Variants in SOD1 observed in about 807,000 individuals in gnomAD.
The protein encoded by SOD1 is superoxide dismutase [Cu-Zn].
In SOD1, 8 loss-of-function variants were observed where a neutral mutation model predicts 15.9. The ratio of observed to expected loss-of-function variants is 0.50; its 90% CI spans 0.30 to 0.91. SOD1 has a LOEUF of 0.91. SOD1 is among the 40% of genes least tolerant of loss of function. The pLI is 0.07. For missense variants in SOD1, 137 were observed against 194.5 expected (o/e 0.70, Z 1.76); for synonymous variants, 86 against 71.2 (o/e 1.21, Z -1.04).
Position 31,668,734 on chromosome 21 carries a change from T to C in SOD1, c.*156T>C. Reference sequence around the variant, plus strand: ...TAAAGTACCTGTAGTGAGAAACTGATTTATGATCACTTGGAAGATTTGTAT... The same window carrying C: ...TAAAGTACCTGTAGTGAGAAACTGACTTATGATCACTTGGAAGATTTGTAT... On this transcript the variant is annotated 3_prime_UTR_variant, in exon 5 of 5. Coordinates refer to ENST00000270142, the MANE Select transcript of SOD1 (RefSeq NM_000454.5). The C allele has an allele frequency of 1.5e-6, 1 of 654,192 alleles. No individual in the cohort carries two copies. The highest frequency in any genetic ancestry group is 2.8e-6 in the Non-Finnish European group (1 of 362,186). The allele number at this position is 654,192 out of a possible 1,614,324, so 40.5% of individuals were successfully genotyped here.
chr21:31,667,386 A>G lies in SOD1; in HGVS notation c.357+11A>G, dbSNP rs2049604627. 11 of 1,534,072 alleles carry G rather than the reference A, an allele frequency of 7.2e-6. No individual in the cohort carries two copies. Among genetic ancestry groups the G allele is most frequent in the Non-Finnish European group, 9.9e-6 (11 of 1,106,784 alleles). ...GGCCGCACACTGGTGGTAAGTTTTC[A>G]TAAAAGGATATGCATAAAACTTCTT... On this transcript the variant is annotated intron_variant, in intron 4 of 4. Coordinates refer to ENST00000270142, the MANE Select transcript of SOD1 (RefSeq NM_000454.5).
intron 1 of SOD1, 63 bp downstream of exon 1, chr21:31,659,904 CT>C: frequency 8.4e-6 from 13 of 1,548,314 alleles, no homozygotes; most frequent in Non-Finnish European, 1.2e-5. Flanking sequence ...CCCCGCGCAC[CT>C]TTGCTAGGAG....
intron 4 of SOD1, among the ~76,000 whole-genome samples, chr21:31,667,632 A>T (rs1780352520): frequency 6.6e-6 from 1 of 152,206 alleles, no homozygotes; most frequent in South Asian, 2.1e-4. Context: ...TGGAAAACAG[A>T]AGTAGTCTTT....
chr21:31,662,476 G>A (rs921250009), intron 1 of SOD1, among the ~76,000 whole-genome samples: 16 of 152,304 alleles, frequency 1.1e-4, no homozygotes, highest in African/African-American at 3.6e-4. Flanking sequence ...TGTGGATGTT[G>A]TGTTTATTTT....
In SOD1 at chr21:31,659,826, CA is replaced by C; in HGVS notation, c.59del (p.Asn20IlefsTer11). On this transcript the variant is annotated frameshift_variant, in exon 1 of 5. Transcript: ENST00000270142. LOFTEE classifies it high-confidence loss of function. ...KGDGPVQGII[N>X]FEQKESNGPV... ...GCGACGGCCCAGTGCAGGGCATCAT[CA>C]ATTTCGAGCAGAAGGCAAGGGCTGG... 6.2e-7 allele frequency: 1 copy of C among 1,613,648 alleles called. No individual in the cohort carries two copies. Among genetic ancestry groups the C allele is most frequent in the Non-Finnish European group, 8.5e-7 (1 of 1,179,860 alleles).
intron 4 of SOD1, among the ~76,000 whole-genome samples, chr21:31,668,153 CG>C (rs1483503141): frequency 6.6e-6 from 1 of 151,890 alleles, no homozygotes; most frequent in Admixed American, 6.6e-5. Flanking sequence ...AGAGTGACTG[CG>C]GAACTAAGGT....
intron 1 of SOD1, among the ~76,000 whole-genome samples, chr21:31,660,994 C>CT (rs1337056018): frequency 1.3e-5 from 2 of 152,274 alleles, no homozygotes; most frequent in East Asian, 3.9e-4. Context: ...ATTTTCAGAA[C>CT]TTTTATCAGT....
In SOD1 at chr21:31,668,514, A is replaced by G; in HGVS notation, c.401A>G (p.Glu134Gly). The part of the protein sequence containing the change: ...ADDLGKGGNE[E>G]STKTGNAGSR... Reference sequence around the variant, plus strand: ...GACTTGGGCAAAGGTGGAAATGAAGAAAGTACAAAGACAGGAAACGCTGGA... The same window carrying G: ...GACTTGGGCAAAGGTGGAAATGAAGGAAGTACAAAGACAGGAAACGCTGGA... The change falls in exon 5 of 5, where the codon GAA (glutamate) becomes GGA (glycine). Residue 134 changes from glutamate to glycine, a missense_variant. By Grantham distance (98) the Glu-to-Gly change is moderately conservative. Coordinates refer to ENST00000270142, the MANE Select transcript of SOD1 (RefSeq NM_000454.5). 6.2e-7 allele frequency: 1 copy of G among 1,614,010 alleles called. No homozygotes were observed. The highest frequency in any genetic ancestry group is 8.5e-7 in the Non-Finnish European group (1 of 1,179,858).
At chr21:31,663,453 A>G (rs2049566515) in intron 1 of SOD1, among the ~76,000 whole-genome samples, 1 of 152,240 alleles carries the variant, frequency 6.6e-6, no homozygotes, top group Non-Finnish European at 1.5e-5. Flanking sequence ...TGTAATAGTC[A>G]AAGCCTATGA....
intron 1 of SOD1, chr21:31,660,799 T>G (rs538162240): frequency 6.6e-6 from 1 of 152,324 alleles, no homozygotes; most frequent in African/African-American, 2.4e-5. Flanking sequence ...TGGGTGGAGT[T>G]TCGTATTTGG....
chr21:31,666,423 CTTT>C lies in SOD1; in HGVS notation c.170-20_170-18del, dbSNP rs751210559. On this transcript the variant is annotated intron_variant, in intron 2 of 4. Transcript: ENST00000270142. ...TTGGGAACTTTAATTCATAATTTAG[CTTT>C]TTTTTCTTCTTCTTATAAATAGGCT... The C allele has an allele frequency of 2.6e-6, 4 of 1,557,974 alleles. No individual in the cohort carries two copies. In the East Asian group the frequency reaches 6.7e-5, roughly 26 times the overall value.
At position 31,668,754 on chromosome 21, in the gene SOD1, T is replaced by C; in HGVS notation, c.*176T>C. The C allele has an allele frequency of 1.6e-6, 1 of 612,408 alleles. No homozygotes were observed. Among genetic ancestry groups the C allele is most frequent in the South Asian group, 1.9e-5 (1 of 53,810 alleles). 37.9% of individuals were successfully genotyped at this position (612,408 alleles called of 1,614,324 possible). A position where few individuals can be genotyped will look rare whatever the true frequency, so the allele number is the denominator to read the frequency against. ...ACTGATTTATGATCACTTGGAAGAT[T>C]TGTATAGTTTTATAAAACTCAGTTA... On this transcript the variant is annotated 3_prime_UTR_variant, in exon 5 of 5. Coordinates refer to ENST00000270142, the MANE Select transcript of SOD1 (RefSeq NM_000454.5).
chr21:31,668,443 A>G lies in SOD1; in HGVS notation c.358-28A>G, dbSNP rs760794337. ...GGAGGTAGTGATTACTTGACAGCCC[A>G]AAGTTATCTTCTTAAAATTTTTTAC... On this transcript the variant is annotated intron_variant, in intron 4 of 4. Coordinates refer to ENST00000270142, the MANE Select transcript of SOD1 (RefSeq NM_000454.5). The G allele has an allele frequency of 6.4e-6, 10 of 1,560,618 alleles. No homozygotes were observed. The Admixed American group carries it at 1.7e-4, about 26-fold the overall frequency.
At chr21:31,659,864 G>A in intron 1 of SOD1, 23 bp downstream of exon 1, 1 of 1,609,498 alleles carries the variant, frequency 6.2e-7, no homozygotes, top group Non-Finnish European at 8.5e-7. Context: ...ACGGAGGCTT[G>A]TTTGCGAGGC....
chr21:31,662,398 T>G (rs1266516908), intron 1 of SOD1, among the ~76,000 whole-genome samples: 1 of 150,238 alleles, frequency 6.7e-6, no homozygotes, highest in Non-Finnish European at 1.5e-5. Flanking sequence ...GCCCCTTAAC[T>G]GTTGGCCGTA....
Position 31,659,747 on chromosome 21 carries a change from A to G in SOD1, c.-23A>G, listed in dbSNP as rs746051985. The G allele has an allele frequency of 3.7e-6, 6 of 1,613,482 alleles. No individual in the cohort carries two copies. The highest frequency in any genetic ancestry group is 2.7e-5 in the African/African-American group (2 of 74,878). On this transcript the variant is annotated 5_prime_UTR_variant, in exon 1 of 5. Coordinates refer to ENST00000270142, the MANE Select transcript of SOD1 (RefSeq NM_000454.5). ...TTCCGTTGCAGTCCTCGGAACCAGG[A>G]CCTCGGCGTGGCCTAGCGAGTTATG... is the stretch of plus-strand genomic sequence containing the variant.
Position 31,666,146 on chromosome 21 carries a change from A to AT in SOD1, c.170-297dup, listed in dbSNP as rs540607817. 9.4e-4 allele frequency among the ~76,000 whole-genome samples: 143 copies of AT among 151,482 alleles called. 1 individual carries two copies. The highest frequency in any genetic ancestry group is 3.2e-3 in the African/African-American group (133 of 41,400). On this transcript the variant is annotated intron_variant, in intron 2 of 4. Transcript: ENST00000270142. ...ACCACCACGCCTAGCTAATTTTTGT[A>AT]TTTTTTCAGTAGAGACAGGGTTTTG... is the stretch of plus-strand genomic sequence containing the variant.
chr21:31,659,754 C>G lies in SOD1; in HGVS notation c.-16C>G. The stretch of plus-strand genomic sequence containing the variant: ...GCAGTCCTCGGAACCAGGACCTCGG[C>G]GTGGCCTAGCGAGTTATGGCGACGA... On this transcript the variant is annotated 5_prime_UTR_variant, in exon 1 of 5. Transcript: ENST00000270142. 1 of 1,613,758 alleles carries G rather than the reference C, an allele frequency of 6.2e-7. No individual in the cohort carries two copies. The highest frequency in any genetic ancestry group is 8.5e-7 in the Non-Finnish European group (1 of 1,179,788).
rs1601157621 is a variant in SOD1, at chr21:31,666,335, T to TC, written c.170-113dup. On this transcript the variant is annotated intron_variant, in intron 2 of 4. Transcript: ENST00000270142. ...ACCAAGGTGTTGCTTATCCCAGAAG[T>TC]CGTGATGCAGGTCAGCACTTTCTCC... 1.5e-4 allele frequency: 110 copies of TC among 754,672 alleles called. No individual in the cohort carries two copies. In the East Asian group the frequency reaches 3.0e-3, roughly 21 times the overall value. The allele number at this position is 754,672 out of a possible 1,614,324, so 46.7% of individuals were successfully genotyped here.
Sources: allele counts gnomAD v4.1 joint callset (sites outside exome capture counted in the v4.1 genomes callset), GRCh38; gene constraint gnomAD v4.1.1; transcripts MANE v1.5; gene names NCBI Gene and HGNC (gene_info 2026-07-23, HGNC 2026-07-21).